CCDC30: variants seen among roughly 807,000 people sequenced by gnomAD.
CCDC30 encodes the protein coiled-coil domain containing 30.
CCDC30 carries 70 observed loss-of-function variants against 100.2 expected under a neutral mutation model. That is an observed-to-expected ratio of 0.70 (90% CI 0.58 to 0.85). CCDC30 has a LOEUF of 0.85. Among genes scored for constraint, CCDC30 ranks in the 40% least tolerant of loss-of-function variants. The pLI, the probability that CCDC30 is intolerant of heterozygous loss-of-function variation, is 0.00. For synonymous variants in CCDC30, 233 were observed against 269.5 expected, an observed-to-expected ratio of 0.86 and a Z score of 1.33; for missense variants, 652 against 771.2, an observed-to-expected ratio of 0.85 and a Z score of 1.83.
At chr1:42,459,638 T>G, upstream of CCDC30, 1 of 1,614,070 alleles carries the variant, frequency 6.2e-7, no homozygotes, top group Non-Finnish European at 8.5e-7. Context: ...TGCTTTCTCC[T>G]TTGGTTAAAG....
At chr1:42,457,490 C>T in the CCDC30 span, 2 of 688,464 alleles carry the variant, frequency 2.9e-6, no homozygotes, top group East Asian at 2.6e-5. Flanking sequence ...ACCGCCCTCC[C>T]TCATGGACCT....
chr1:42,465,146 ACAAAAAATG>A (rs1643530832), intron 1 of CCDC30, among the ~76,000 whole-genome samples: 1 of 152,152 alleles, frequency 6.6e-6, no homozygotes, highest in Non-Finnish European at 1.5e-5. Context: ...ACCTGACTCT[ACAAAAAATG>A]CAAAAAATTA....
At chr1:42,506,861 C>T (rs1644402102) in intron 6 of CCDC30, among the ~76,000 whole-genome samples, 3 of 152,188 alleles carry the variant, frequency 2.0e-5, no homozygotes, top group Admixed American at 2.0e-4. Context: ...AAAAATCTTT[C>T]ATTAACCTTT....
intron 12 of CCDC30, 99 bp from the exon 17 acceptor site, chr1:42,642,370 GTAAA>G: frequency 9.4e-7 from 1 of 1,069,422 alleles, no homozygotes; most frequent in African/African-American, 1.6e-5. Context: ...GAAAAAAAAA[GTAAA>G]TAAGGGAAAA....
chr1:42,457,428 C>A, the CCDC30 span: 1 of 1,259,166 alleles, frequency 7.9e-7, no homozygotes, highest in Non-Finnish European at 1.2e-6. Context: ...CTGGAGATGG[C>A]CTTTCTGCAT....
At chr1:42,589,357 G>C (rs568418864) in exon 10 of CCDC30, 2 of 1,612,116 alleles carry the variant, frequency 1.2e-6, no homozygotes, top group Non-Finnish European at 1.7e-6. Flanking sequence ...AGTTACACAG[G>C]CAAGTGAGAA....
intron 12 of CCDC30, among the ~76,000 whole-genome samples, chr1:42,640,643 TAGCACTTTGGGAGGCC>T (rs2148682686): frequency 6.6e-6 from 1 of 152,006 alleles, no homozygotes; most frequent in East Asian, 1.9e-4. Flanking sequence ...CCTGTAATTC[TAGCACTTTGGGAGGCC>T]GAGGTGGGTG....
chr1:42,599,517 A>C (rs1289683670), intron 10 of CCDC30, among the ~76,000 whole-genome samples: 2 of 152,232 alleles, frequency 1.3e-5, no homozygotes, highest in African/African-American at 4.8e-5. Context: ...AGAACAACTA[A>C]TAGAAAACAG....
chr1:42,606,005 CA>C (rs993436109), intron 10 of CCDC30, among the ~76,000 whole-genome samples: 1 of 152,048 alleles, frequency 6.6e-6, no homozygotes, highest in African/African-American at 2.4e-5. Flanking sequence ...AGCTTAGAAA[CA>C]TTGAAAAAGT....
intron 4 of CCDC30, chr1:42,492,629 T>C (rs1644161782): frequency 6.6e-6 from 1 of 152,628 alleles, no homozygotes; most frequent in Non-Finnish European, 1.5e-5. Flanking sequence ...AGTAGATTCG[T>C]TGGAAATATT....
At chr1:42,640,067 C>CTGA (rs1166713580) in intron 12 of CCDC30, among the ~76,000 whole-genome samples, 2 of 151,924 alleles carry the variant, frequency 1.3e-5, no homozygotes, top group Non-Finnish European at 2.9e-5. Flanking sequence ...CTAGAGAAGA[C>CTGA]TGATGTTAGA....
intron 15 of CCDC30, among the ~76,000 whole-genome samples, chr1:42,651,007 A>T (rs1402772865): frequency 6.6e-6 from 1 of 152,210 alleles, no homozygotes; most frequent in Non-Finnish European, 1.5e-5. Context: ...GGTATTGAGA[A>T]AACTGGATAT....
At chr1:42,647,809 A>G (rs1195173093) in intron 15 of CCDC30, among the ~76,000 whole-genome samples, 1 of 152,242 alleles carries the variant, frequency 6.6e-6, no homozygotes, top group Non-Finnish European at 1.5e-5. Flanking sequence ...ATAAAACAAC[A>G]TATTCCCAAA....
At chr1:42,621,514 T>TTTA (rs1405301153) in intron 11 of CCDC30, among the ~76,000 whole-genome samples, 1 of 150,760 alleles carries the variant, frequency 6.6e-6, no homozygotes, top group Admixed American at 6.6e-5. Flanking sequence ...TATTTATTTA[T>TTTA]TTATTTATTT....
chr1:42,481,998 C>A (rs1299071071), intron 2 of CCDC30, among the ~76,000 whole-genome samples: 1 of 152,108 alleles, frequency 6.6e-6, no homozygotes, highest in African/African-American at 2.4e-5. Context: ...GTGGGTGGAT[C>A]ACGAGGTCAG....
At chr1:42,569,949 C>G (rs12042006) in intron 7 of CCDC30, among the ~76,000 whole-genome samples, 58,435 of 151,714 alleles carry the variant, frequency 0.39, 11,752 homozygotes, top group East Asian at 0.59. Context: ...ACACAGGGAG[C>G]GGAACATTAC....
chr1:42,563,712 A>G (rs1251285348), intron 6 of CCDC30, among the ~76,000 whole-genome samples: 1 of 152,120 alleles, frequency 6.6e-6, no homozygotes, highest in Non-Finnish European at 1.5e-5. Context: ...CCCCGTCTCT[A>G]CTAAAAATAC....
At chr1:42,614,951 T>G (rs1483862407) in intron 11 of CCDC30, among the ~76,000 whole-genome samples, 6 of 152,024 alleles carry the variant, frequency 3.9e-5, no homozygotes, top group Non-Finnish European at 7.4e-5. Flanking sequence ...TTATACTACA[T>G]GTAATGGTAA....
the CCDC30 span, among the ~76,000 whole-genome samples, chr1:42,457,955 C>CAAA: frequency 4.9e-5 from 5 of 101,062 alleles, no homozygotes; most frequent in African/African-American, 1.1e-4. Context: ...TACTCCGTCG[C>CAAA]AAAAAAAAAA....
Sources: allele counts gnomAD v4.1 joint callset (sites outside exome capture counted in the v4.1 genomes callset), GRCh38; gene constraint gnomAD v4.1.1; transcripts MANE v1.5; gene names NCBI Gene and HGNC (gene_info 2026-07-23, HGNC 2026-07-21).